Variants in WDR27 observed in about 807,000 individuals in gnomAD.
WDR27 encodes WD repeat domain 27, also known as WD repeat-containing protein 27.
WDR27 carries 100 observed loss-of-function variants against 114.4 expected under a neutral mutation model. The observed-to-expected ratio is 0.87, with a 90% CI of 0.74 to 1.03. The LOEUF is 1.03. Among genes scored for constraint, WDR27 ranks in the 50% least tolerant of loss-of-function variants. The pLI is 0.00. For synonymous variants in WDR27, 449 were observed against 423.1 expected (o/e 1.06, Z -0.75); for missense variants, 1,129 against 1,092.9 (o/e 1.03, Z -0.47).
chr6:169,537,113 C>T (rs1357738420), intron 25 of WDR27, among the ~76,000 whole-genome samples: 3 of 152,122 alleles, frequency 2.0e-5, no homozygotes, highest in Non-Finnish European at 4.4e-5. Flanking sequence ...GTGTAGGTCA[C>T]CTGTCTTCTT....
intron 2 of WDR27, among the ~76,000 whole-genome samples, chr6:169,673,800 T>C (rs1156233297): frequency 5.3e-5 from 8 of 152,194 alleles, no homozygotes; most frequent in Admixed American, 2.6e-4. Context: ...ATTGCCTTAA[T>C]GTTGATAACT....
chr6:169,529,355 T>G (rs1335841182), intron 25 of WDR27, among the ~76,000 whole-genome samples: 1 of 152,010 alleles, frequency 6.6e-6, no homozygotes, highest in African/African-American at 2.4e-5. Flanking sequence ...TTGTGTTTTT[T>G]CCCTTCGTTT....
chr6:169,682,631 C>T (rs1040546743), intron 2 of WDR27, among the ~76,000 whole-genome samples: 6 of 152,194 alleles, frequency 3.9e-5, no homozygotes, highest in East Asian at 1.9e-4. Flanking sequence ...CTTACGAAGA[C>T]TTAAATAAAT....
intron 25 of WDR27, among the ~76,000 whole-genome samples, chr6:169,483,710 G>C (rs927544258): frequency 1.7e-4 from 26 of 149,506 alleles, no homozygotes; most frequent in Non-Finnish European, 4.5e-5. Context: ...CACACACACA[G>C]ACACACACAC....
At chr6:169,687,230 T>C (rs1783228883) in intron 2 of WDR27, among the ~76,000 whole-genome samples, 1 of 152,130 alleles carries the variant, frequency 6.6e-6, no homozygotes, top group South Asian at 2.1e-4. Context: ...TATACTTGTA[T>C]CAAAATATTA....
chr6:169,698,500 G>A (rs777485326), intron 1 of WDR27, among the ~76,000 whole-genome samples: 4 of 152,138 alleles, frequency 2.6e-5, no homozygotes, highest in Non-Finnish European at 5.9e-5. Context: ...ATTGAACAGA[G>A]GTCAGATGGC....
intron 25 of WDR27, among the ~76,000 whole-genome samples, chr6:169,463,517 A>C (rs531377606): frequency 6.6e-6 from 1 of 152,356 alleles, no homozygotes; most frequent in East Asian, 1.9e-4. Context: ...ATTTATATTT[A>C]GAATGGTATC....
chr6:169,494,653 A>C (rs1173930848), intron 25 of WDR27, among the ~76,000 whole-genome samples: 1 of 152,162 alleles, frequency 6.6e-6, no homozygotes, highest in Non-Finnish European at 1.5e-5. Context: ...TCTAAGCAGA[A>C]AGGTTTACCC....
chr6:169,456,822 C>G (rs1011490688), downstream of WDR27, among the ~76,000 whole-genome samples: 3 of 151,370 alleles, frequency 2.0e-5, no homozygotes, highest in African/African-American at 7.3e-5. This position sits in a 1 kb window ranked among gnomAD's most constrained non-coding sequence, Gnocchi z 4.0. Context: ...CCATACTCAC[C>G]ACACAGAACC....
chr6:169,459,551 A>C (rs933245081), intron 25 of WDR27, among the ~76,000 whole-genome samples: 1 of 151,672 alleles, frequency 6.6e-6, no homozygotes, highest in East Asian at 1.9e-4. Context: ...ATACATTTAT[A>C]TATGTATATA....
rs1377964711 is a variant in WDR27 at position 169,568,132 on chromosome 6, G to A, written c.2645+4287C>T. On this transcript the variant is annotated intron_variant, in intron 25 of 25. Coordinates refer to ENST00000448612, the MANE Select transcript of WDR27 (RefSeq NM_182552.5). The stretch of plus-strand genomic sequence containing the variant: ...AGACCAGTGGTTCTCAAACAGGTCC[G>A]TGGAAGCCTGAGTCTGACAGCAATC... Among the ~76,000 whole-genome samples the A allele has an allele frequency of 2.6e-5, 4 of 151,760 alleles. 1 individual carries two copies. The highest frequency in any genetic ancestry group is 3.9e-4 in the East Asian group (2 of 5,144).
intron 6 of WDR27, 110 bp downstream of exon 6, chr6:169,667,026 A>C: frequency 7.5e-7 from 1 of 1,328,656 alleles, no homozygotes; most frequent in Non-Finnish European, 9.6e-7. Flanking sequence ...AGATTGCCTC[A>C]TTCAGATCCA....
At chr6:169,541,232 A>G (rs1796804546) in intron 25 of WDR27, among the ~76,000 whole-genome samples, 1 of 152,212 alleles carries the variant, frequency 6.6e-6, no homozygotes, top group Non-Finnish European at 1.5e-5. Context: ...TAACATACAC[A>G]AAACCAGAGT....
Position 169,660,744 on chromosome 6 carries a change from A to G in WDR27, c.1048T>C (p.Cys350Arg), listed in dbSNP as rs375032783. 5.6e-6 allele frequency: 9 copies of G among 1,613,672 alleles called. No homozygotes were observed. The African/African-American group carries it at 9.3e-5, about 17-fold the overall frequency. Residue 350 changes from cysteine to arginine, a missense_variant, in exon 10 of 26, where the codon TGT becomes CGT. Transcript: ENST00000448612. ...CCCACTGAGCTTCCGATCCACACAC[A>G]TCGGGTGTTCTCAGAAGAAAGACTG... ...CGCLSSENTRCVWIGSSVGLF... is the reference protein window; with the variant it reads ...CGCLSSENTRRVWIGSSVGLF...
intron 17 of WDR27, among the ~76,000 whole-genome samples, chr6:169,639,566 G>C (rs1352361386): frequency 6.6e-6 from 1 of 152,158 alleles, no homozygotes; most frequent in Non-Finnish European, 1.5e-5. Context: ...ATGGCTGCTT[G>C]GATGCTGATT....
chr6:169,488,944 CCCT>C (rs771182091), intron 25 of WDR27, among the ~76,000 whole-genome samples: 28 of 117,204 alleles, frequency 2.4e-4, no homozygotes, highest in Admixed American at 2.1e-3. Context: ...ATTTGATGCC[CCCT>C]TTTTTTTTTT....
intron 25 of WDR27, among the ~76,000 whole-genome samples, chr6:169,547,145 A>G (rs562059534): frequency 5.3e-4 from 80 of 152,332 alleles, no homozygotes; most frequent in African/African-American, 1.6e-3. Flanking sequence ...AACAATCTAA[A>G]TAAGACTATA....
chr6:169,428,076 CAG>C, the WDR27 span, among the ~76,000 whole-genome samples: 4 of 152,302 alleles, frequency 2.6e-5, no homozygotes, highest in South Asian at 2.1e-4. Context: ...AGTTACAAAA[CAG>C]AGGGCTGAGT....
intron 25 of WDR27, among the ~76,000 whole-genome samples, chr6:169,460,520 A>T (rs1286604990): frequency 6.6e-6 from 1 of 152,230 alleles, no homozygotes. Context: ...AATGCAGAAA[A>T]TAAGGGACAA....
Sources: gnomAD v4.1 joint callset for allele counts (sites outside exome capture counted in the v4.1 genomes callset) on GRCh38, gnomAD v4.1.1 for gene constraint, Gnocchi (gnomAD v3.1) non-coding constraint, MANE v1.5 for transcripts, NCBI Gene and HGNC (gene_info 2026-07-23, HGNC 2026-07-21) for gene names.